The following KCNIP4 variants were observed in gnomAD, a reference collection of about 807,000 sequenced individuals.
KCNIP4 encodes the protein Kv channel-interacting protein 4.
A neutral mutation model predicts 34.0 loss-of-function variants in KCNIP4; 12 were observed. The ratio of observed to expected loss-of-function variants is 0.35; its 90% confidence interval spans 0.23 to 0.57. The LOEUF is 0.57. Ranked by LOEUF, KCNIP4 falls within the 20% of genes least tolerant of loss-of-function variation. The pLI, the probability that KCNIP4 is intolerant of heterozygous loss-of-function variation, is 0.83. For synonymous variants in KCNIP4, 124 were observed against 102.2 expected (o/e 1.21, Z -1.29); for missense variants, 238 against 311.7 (o/e 0.76, Z 1.78).
Position 21,222,286 on chromosome 4 carries a change from G to A in KCNIP4, c.62-339577C>T, listed in dbSNP as rs1758037000. Reference sequence around the variant, plus strand: ...AGAGCAGGATGTTCAGTAAAAAGAGGAATTAGCAATCAAAGGAAGCACTGG... The same window carrying A: ...AGAGCAGGATGTTCAGTAAAAAGAGAAATTAGCAATCAAAGGAAGCACTGG... On this transcript the variant is annotated intron_variant, in intron 1 of 8. Transcript: ENST00000382152. 2.0e-5 allele frequency among the ~76,000 whole-genome samples: 3 copies of A among 152,036 alleles called. No individual in the cohort carries two copies. In the South Asian group the frequency reaches 6.2e-4, roughly 32 times the overall value.
At chr4:21,938,274 G>A (rs1314280776) in intron 1 of KCNIP4, among the ~76,000 whole-genome samples, 2 of 152,068 alleles carry the variant, frequency 1.3e-5, no homozygotes, top group Non-Finnish European at 2.9e-5. Context: ...TGTTATTACA[G>A]GGCTTTTGAA....
At chr4:20,854,387 A>G (rs1844811) in intron 2 of KCNIP4, among the ~76,000 whole-genome samples, 51,467 of 152,078 alleles carry the variant, frequency 0.34, 10,082 homozygotes, top group Admixed American at 0.45. Flanking sequence ...ATGTAACTCA[A>G]GAATGGAAAA....
chr4:21,329,947 T>C (rs1025757097), intron 1 of KCNIP4, among the ~76,000 whole-genome samples: 1 of 152,184 alleles, frequency 6.6e-6, no homozygotes, highest in African/African-American at 2.4e-5. Context: ...CAAGGCCTCC[T>C]TAAGTAGAAT....
chr4:21,290,649 A>G (rs775238566), intron 1 of KCNIP4, among the ~76,000 whole-genome samples: 16 of 152,190 alleles, frequency 1.1e-4, no homozygotes, highest in Non-Finnish European at 2.1e-4. Flanking sequence ...TCAACATGCA[A>G]ATGAAACAAG....
rs756032340 is a variant in KCNIP4, at chr4:20,729,921, G to A, written c.*161C>T. ...AAAGGATGCAAATTTATAACTGAAA[G>A]CTCAAATCTTTTGGGGATTGCTTTA... On this transcript the variant is annotated 3_prime_UTR_variant, in exon 9 of 9. Coordinates refer to ENST00000382152, the MANE Select transcript of KCNIP4 (RefSeq NM_025221.6). The A allele has an allele frequency of 1.3e-6, 1 of 752,018 alleles. No individual in the cohort carries two copies. The highest frequency in any genetic ancestry group is 1.9e-6 in the Non-Finnish European group (1 of 515,058). The allele number at this position is 752,018 out of a possible 1,614,324, so 46.6% of individuals were successfully genotyped here. A position where few individuals can be genotyped will look rare whatever the true frequency, so the allele number is the denominator to read the frequency against.
chr4:21,804,638 C>A (rs1164114322), intron 1 of KCNIP4, among the ~76,000 whole-genome samples: 3 of 152,106 alleles, frequency 2.0e-5, no homozygotes, highest in Admixed American at 6.5e-5. Flanking sequence ...TGACTTTAAA[C>A]CACTGCCACT....
chr4:20,956,909 T>C (rs1200063131), intron 1 of KCNIP4, among the ~76,000 whole-genome samples: 1 of 152,326 alleles, frequency 6.6e-6, no homozygotes, highest in East Asian at 1.9e-4. Context: ...AGCATTTGCA[T>C]AGCATCTATT....
At chr4:21,872,741 G>A (rs978917223) in intron 1 of KCNIP4, among the ~76,000 whole-genome samples, 3 of 152,164 alleles carry the variant, frequency 2.0e-5, no homozygotes, top group African/African-American at 7.2e-5. Context: ...AGCAAGGGGA[G>A]TATGCCTGAA....
intron 1 of KCNIP4, among the ~76,000 whole-genome samples, chr4:21,836,684 A>C (rs2109313460): frequency 6.6e-6 from 1 of 152,248 alleles, no homozygotes. Flanking sequence ...GAAATAATGG[A>C]AAATCCAGTC....
In KCNIP4 at chr4:21,821,875, A is replaced by T. The variant is rs890396544; in HGVS notation, c.61+126696T>A. Among the ~76,000 whole-genome samples the T allele has an allele frequency of 4.6e-5, 7 of 152,298 alleles. No homozygotes were observed. In the South Asian group the frequency reaches 6.2e-4, roughly 14 times the overall value. Reference sequence around the variant, plus strand: ...CACAATGAAACAATTTTACTTAAATAGTGATGACTACTACTTCTCCCTTGG... The same window carrying T: ...CACAATGAAACAATTTTACTTAAATTGTGATGACTACTACTTCTCCCTTGG... On this transcript the variant is annotated intron_variant, in intron 1 of 8. Coordinates refer to ENST00000382152, the MANE Select transcript of KCNIP4 (RefSeq NM_025221.6).
chr4:21,276,361 C>CTTTTTTTTTTT (rs3080866), intron 1 of KCNIP4, among the ~76,000 whole-genome samples: 1 of 129,232 alleles, frequency 7.7e-6, no homozygotes. Flanking sequence ...GAGATTTTCT[C>CTTTTTTTTTTT]TTTTTTTTTT....
chr4:21,650,522 A>C (rs1747405046), intron 1 of KCNIP4, among the ~76,000 whole-genome samples: 1 of 152,132 alleles, frequency 6.6e-6, no homozygotes, highest in African/African-American at 2.4e-5. Flanking sequence ...AGTACTCTCT[A>C]AATAACCTGT....
chr4:21,683,274 G>A (rs1300144240), intron 1 of KCNIP4, among the ~76,000 whole-genome samples: 3 of 151,758 alleles, frequency 2.0e-5, no homozygotes, highest in Non-Finnish European at 4.4e-5. Flanking sequence ...ACTTGTTACT[G>A]AACAATTACA....
chr4:21,844,351 AAATAT>A (rs527617475), intron 1 of KCNIP4: 117 of 152,248 alleles, frequency 7.7e-4, no homozygotes, highest in African/African-American at 2.6e-3. Context: ...GTTTTTAAAT[AAATAT>A]AATACATGGG....
chr4:21,736,989 C>T (rs563057798), intron 1 of KCNIP4, among the ~76,000 whole-genome samples: 14 of 151,962 alleles, frequency 9.2e-5, no homozygotes, highest in African/African-American at 2.9e-4. Context: ...TGATGTTGTG[C>T]ACATGTACCC....
At chr4:21,947,315 G>A (rs1440797749) in intron 1 of KCNIP4, among the ~76,000 whole-genome samples, 1 of 152,196 alleles carries the variant, frequency 6.6e-6, no homozygotes, top group African/African-American at 2.4e-5. Context: ...CTCGTAATGA[G>A]TGGGCATCTC....
At chr4:21,897,297 T>C (rs574396671) in intron 1 of KCNIP4, among the ~76,000 whole-genome samples, 18 of 152,274 alleles carry the variant, frequency 1.2e-4, no homozygotes, top group African/African-American at 4.1e-4. Context: ...GAAGTTCTAA[T>C]AAGACAGTAA....
intron 1 of KCNIP4, among the ~76,000 whole-genome samples, chr4:21,018,790 T>C (rs555707055): frequency 6.6e-6 from 1 of 152,330 alleles, no homozygotes; most frequent in East Asian, 1.9e-4. Context: ...CTTGGGATAC[T>C]TGGACTAACA....
chr4:20,799,443 A>G (rs1367812555), intron 3 of KCNIP4, among the ~76,000 whole-genome samples: 1 of 152,210 alleles, frequency 6.6e-6, no homozygotes, highest in East Asian at 1.9e-4. Flanking sequence ...GAGAAGACAT[A>G]GTACCTGAAG....
Sources: allele counts gnomAD v4.1 joint callset (sites outside exome capture counted in the v4.1 genomes callset), GRCh38; gene constraint gnomAD v4.1.1; transcripts MANE v1.5; gene names NCBI Gene and HGNC (gene_info 2026-07-23, HGNC 2026-07-21).